Variants in KDM5D observed in about 807,000 individuals in gnomAD.
KDM5D encodes the protein lysine demethylase 5D.
KDM5D carries 25 observed loss-of-function variants against 31.9 expected under a neutral mutation model. That is an observed-to-expected ratio of 0.78 (90% CI 0.57 to 1.09). The LOEUF (loss-of-function observed/expected upper bound fraction) is 1.09. Among genes scored for constraint, KDM5D ranks in the 50% least tolerant of loss-of-function variants. The pLI is 0.00. For missense variants in KDM5D, 366 were observed against 341.6 expected (o/e 1.07, Z -0.56); for synonymous variants, 146 against 122.3 (o/e 1.19, Z -1.28).
chrY:19,704,067 T>A lies in KDM5D; in HGVS notation c.*1928A>T. 2 of 33,841 alleles carry A rather than the reference T, an allele frequency of 5.9e-5. No homozygotes were observed. Among genetic ancestry groups the A allele is most frequent in the Non-Finnish European group, 1.5e-4 (2 of 13,650 alleles). The allele number at this position is 33,841 out of a possible 400,897, so 8.4% of individuals were successfully genotyped here. ...TGTGCAAAAACTTAGTGCTGCATCC[T>A]TGTGTATGGTTTTAAAAAGTGTCAA... On this transcript the variant is annotated 3_prime_UTR_variant, in exon 27 of 27. Transcript: ENST00000317961.
chrY:19,716,740 G>A (rs1305644348), intron 13 of KDM5D, 25 bp from the exon 14 acceptor site: 1 of 394,741 alleles, frequency 2.5e-6, no homozygotes, highest in South Asian at 3.0e-5. Context: ...AAAGCAGAAA[G>A]AGGTGTGGGT....
At chrY:19,718,942 G>T in intron 13 of KDM5D, among the ~76,000 whole-genome samples, 1 of 32,778 alleles carries the variant, frequency 3.1e-5, no homozygotes, top group Non-Finnish European at 7.6e-5. Context: ...AGGCCGAGGC[G>T]GGCGGATCAC....
At chrY:19,718,427 T>A in intron 13 of KDM5D, among the ~76,000 whole-genome samples, 2 of 34,510 alleles carry the variant, frequency 5.8e-5, no homozygotes, top group South Asian at 1.3e-3. Context: ...CAGATGAACT[T>A]TGAGAAGTCA....
chrY:19,739,523 C>T lies in KDM5D; in HGVS notation c.657+5G>A, dbSNP rs772623406. On this transcript the variant is annotated splice_donor_5th_base_variant and intron_variant, in intron 6 of 26. Transcript: ENST00000317961. ...GGAAGAATAACAGGAGTAACAGTCA[C>T]TCACATCAGGCTGTAGCCTTTTTGC... 5 of 394,193 alleles carry T rather than the reference C, an allele frequency of 1.3e-5. No individual in the cohort carries two copies. The highest frequency in any genetic ancestry group is 1.4e-5 in the Non-Finnish European group (4 of 280,383).
chrY:19,712,337 A>T, intron 18 of KDM5D, among the ~76,000 whole-genome samples: 1 of 33,690 alleles, frequency 3.0e-5, no homozygotes, highest in Non-Finnish European at 7.3e-5. Context: ...AGATTATAAC[A>T]GTACTGAAAC....
chrY:19,723,411 G>A (rs758054705), intron 11 of KDM5D: 1 of 87,246 alleles, frequency 1.1e-5, no homozygotes, highest in East Asian at 4.2e-4. Flanking sequence ...GATCAGCCTG[G>A]TCAACACAGT....
intron 2 of KDM5D, among the ~76,000 whole-genome samples, chrY:19,743,660 G>C: frequency 6.0e-5 from 2 of 33,368 alleles, no homozygotes; most frequent in Admixed American, 5.5e-4. Flanking sequence ...ACTCCCAGCA[G>C]TACGAAAAAG....
At chrY:19,731,478 A>G in intron 11 of KDM5D, among the ~76,000 whole-genome samples, 1 of 33,686 alleles carries the variant, frequency 3.0e-5, no homozygotes, top group Admixed American at 2.7e-4. Flanking sequence ...AAAAGATGGT[A>G]AGCTTCCAAT....
chrY:19,739,729 A>G lies in KDM5D; in HGVS notation c.523-67T>C. The G allele has an allele frequency of 1.2e-5, 3 of 254,966 alleles. No individual in the cohort carries two copies. In the Admixed American group the frequency reaches 2.9e-4, roughly 25 times the overall value. 63.6% of individuals were successfully genotyped at this position (254,966 alleles called of 400,897 possible). ...TTTGTAATAAGTGATTCCTTCATTT[A>G]CAACTCTAGCAAATAAAGCTGTAGT... is the stretch of plus-strand genomic sequence containing the variant. On this transcript the variant is annotated intron_variant, in intron 5 of 26. Transcript: ENST00000317961.
At chrY:19,742,836 T>A in intron 3 of KDM5D, among the ~76,000 whole-genome samples, 2 of 33,015 alleles carry the variant, frequency 6.1e-5, no homozygotes, top group Non-Finnish European at 1.5e-4. Flanking sequence ...AAAAAAAAAA[T>A]TCATTCATTA....
Position 19,716,634 on chromosome Y carries a change from T to C in KDM5D, c.1798A>G (p.Asn600Asp). ...AYHSGFNQGY[N>D]FAEAVNFCTA... ...CAAAAGTTGACAGCTTCAGCAAAAT[T>C]GTAGCCTTGGTTAAAACCACTGTGG... is the stretch of plus-strand genomic sequence containing the variant. The change falls in exon 14 of 27, where the codon AAT (asparagine) becomes GAT (aspartate). Residue 600 changes from asparagine to aspartate, a missense_variant. Asn to Asp is a conservative substitution (Grantham distance 23). Coordinates refer to ENST00000317961, the MANE Select transcript of KDM5D (RefSeq NM_004653.5). 1 of 399,025 alleles carries C rather than the reference T, an allele frequency of 2.5e-6. No individual in the cohort carries two copies. The highest frequency in any genetic ancestry group is 3.5e-6 in the Non-Finnish European group (1 of 283,382).
At chrY:19,726,776 T>C in intron 11 of KDM5D, among the ~76,000 whole-genome samples, 1 of 33,629 alleles carries the variant, frequency 3.0e-5, no homozygotes, top group Non-Finnish European at 7.4e-5. Flanking sequence ...ATATTATATT[T>C]CTTTTGATAA....
intron 11 of KDM5D, among the ~76,000 whole-genome samples, chrY:19,729,172 G>GCCA: frequency 3.1e-5 from 1 of 32,480 alleles, no homozygotes; most frequent in East Asian, 7.9e-4. Flanking sequence ...GGAAGATCAT[G>GCCA]CCACTGCACT....
chrY:19,707,774 A>G, intron 23 of KDM5D, 28 bp from the exon 24 acceptor site: 1 of 394,317 alleles, frequency 2.5e-6, no homozygotes, highest in Non-Finnish European at 3.6e-6. Context: ...GGGGGAAAGT[A>G]GGTCAGCAGT....
intron 2 of KDM5D, among the ~76,000 whole-genome samples, chrY:19,743,913 T>A: frequency 3.0e-5 from 1 of 33,697 alleles, no homozygotes; most frequent in Non-Finnish European, 7.3e-5. Flanking sequence ...CGTTTAATAA[T>A]AAATTTAATT....
At chrY:19,739,447 A>G in intron 6 of KDM5D, 81 bp downstream of exon 6, 2 of 251,640 alleles carry the variant, frequency 7.9e-6, no homozygotes, top group Non-Finnish European at 1.3e-5. Context: ...CAATGCATTC[A>G]GCAATGAATT....
chrY:19,737,297 C>T, intron 6 of KDM5D, among the ~76,000 whole-genome samples: 1 of 33,573 alleles, frequency 3.0e-5, no homozygotes, highest in Non-Finnish European at 7.4e-5. Context: ...ACAAAGAGTG[C>T]ACACAATGCC....
intron 21 of KDM5D, 98 bp downstream of exon 21, chrY:19,708,777 C>A: frequency 3.6e-6 from 1 of 281,504 alleles, no homozygotes; most frequent in Non-Finnish European, 5.4e-6. Flanking sequence ...CCCACCTTCA[C>A]TTTCTAGCAC....
At position 19,707,132 on chromosome Y, in the gene KDM5D, G is replaced by C; in HGVS notation, c.3999+15C>G. On this transcript the variant is annotated intron_variant, in intron 24 of 26. Transcript: ENST00000317961. The stretch of plus-strand genomic sequence containing the variant: ...GACAGAAATATGAGGACAATGGCTG[G>C]CCTGGAAAGCTCACCTTAGAAATAT... The C allele has an allele frequency of 2.5e-6, 1 of 393,971 alleles. No individual in the cohort carries two copies.
Sources: allele counts gnomAD v4.1 joint callset (sites outside exome capture counted in the v4.1 genomes callset), GRCh38; gene constraint gnomAD v4.1.1; transcripts MANE v1.5; gene names NCBI Gene and HGNC (gene_info 2026-07-23, HGNC 2026-07-21).